Variants in TARBP1 observed in about 807,000 individuals in gnomAD.
TARBP1 encodes the protein tRNA guanosine 2 -O-methyltransferase TARBP1, also known as tRNA (guanosine(18)-2'-O)-methyltransferase TARBP1.
A neutral mutation model predicts 178.6 loss-of-function variants in TARBP1; 144 were observed. That is an observed-to-expected ratio of 0.81 (90% confidence interval 0.70 to 0.93). The LOEUF (loss-of-function observed/expected upper bound fraction) is 0.93. Ranked by LOEUF, TARBP1 falls within the 40% of genes least tolerant of loss-of-function variation. The probability of loss-of-function intolerance (pLI) is 0.00; values close to 1 mark genes in which losing one functional copy is unlikely to be tolerated. For synonymous variants in TARBP1, 787 were observed against 781.0 expected (o/e 1.01, Z -0.13); for missense variants, 2,067 against 2,011.7 (o/e 1.03, Z -0.53).
intron 12 of TARBP1, among the ~76,000 whole-genome samples, chr1:234,440,508 T>G (rs1363254361): frequency 6.6e-6 from 1 of 151,292 alleles, no homozygotes; most frequent in East Asian, 1.9e-4. Context: ...CACACACAAA[T>G]TATCACTATT....
At position 234,460,267 on chromosome 1, in the gene TARBP1, G is replaced by A. The variant is rs1423174855; in HGVS notation, c.1529C>T (p.Ala510Val). The A allele has an allele frequency of 6.2e-7, 1 of 1,612,888 alleles. No individual in the cohort carries two copies. Among genetic ancestry groups the A allele is most frequent in the East Asian group, 2.2e-5 (1 of 44,864 alleles). ...CATATACAGAGTAAATTACCTGAGA[G>A]CAAGAAGCCCATCTATACCCAGGGC... is the stretch of plus-strand genomic sequence containing the variant. ...HKALGIDGLL[A>V]LRDVIHCTMI... is the part of the protein sequence containing the mutation. Residue 510 changes from alanine (A) to valine (V), a missense_variant, in exon 7 of 30, where the codon GCT (alanine) becomes GTT (valine). By Grantham distance (64) the Ala-to-Val change is moderately conservative. Coordinates refer to ENST00000040877, the MANE Select transcript of TARBP1 (RefSeq NM_005646.4).
In TARBP1 at chr1:234,427,768, T is replaced by C; in HGVS notation, c.3061-2A>G. 1 of 1,403,044 alleles carries C rather than the reference T, an allele frequency of 7.1e-7. No homozygotes were observed. Among genetic ancestry groups the C allele is most frequent in the Non-Finnish European group, 9.3e-7 (1 of 1,073,982 alleles). The allele number at this position is 1,403,044 out of a possible 1,614,324, so 86.9% of individuals were successfully genotyped here. ...CATTTCAATTATCTTGTACATAATC[T>C]GGAATAAAATACAACCGTCATTTTA... is the stretch of plus-strand genomic sequence containing the variant. On this transcript the variant is annotated splice_acceptor_variant, in intron 17 of 29. Transcript: ENST00000040877. LOFTEE classifies it high-confidence loss of function.
intron 24 of TARBP1, among the ~76,000 whole-genome samples, chr1:234,404,025 G>C (rs1312414705): frequency 6.6e-6 from 1 of 152,002 alleles, no homozygotes; most frequent in South Asian, 2.1e-4. Flanking sequence ...TCTCCTACCT[G>C]GTACTGAGAT....
At position 234,398,373 on chromosome 1, in the gene TARBP1, A is replaced by AT. The variant is rs1290676803; in HGVS notation, c.4243+8dup. 1 of 1,557,046 alleles carries AT rather than the reference A, an allele frequency of 6.4e-7. No homozygotes were observed. ...AAGGGGAAAAAATAAAATGAAAATT[A>AT]TTTTTTACCTATGTCTTGCTGAGAC... On this transcript the variant is annotated intron_variant, in intron 26 of 29. Coordinates refer to ENST00000040877, the MANE Select transcript of TARBP1 (RefSeq NM_005646.4).
At chr1:234,473,374 T>TA (rs1299974881) in intron 1 of TARBP1, among the ~76,000 whole-genome samples, 1 of 152,220 alleles carries the variant, frequency 6.6e-6, no homozygotes, top group East Asian at 1.9e-4. Context: ...GCCACTTTCC[T>TA]ATGTCCTGAA....
chr1:234,478,414 C>G lies in TARBP1; in HGVS notation c.690G>C (p.Leu230=), dbSNP rs1482142120. ...TCTCGGCCAGGGCGCTCAGGACCAG[C>G]AGCTTCTCCTCTACGCGGCCGGACC... ...SLGSGRVEEK[L]LVLSALAEKL... Residue 230 remains leucine (L), a synonymous_variant, in exon 1 of 30, where the codon CTG becomes CTC. Transcript: ENST00000040877. 13 of 1,384,000 alleles carry G rather than the reference C, an allele frequency of 9.4e-6. No individual in the cohort carries two copies. The highest frequency in any genetic ancestry group is 1.2e-5 in the Non-Finnish European group (13 of 1,064,748). 85.7% of individuals were successfully genotyped at this position (1,384,000 alleles called of 1,614,324 possible).
At chr1:234,398,116 C>T (rs1660320322) in intron 26 of TARBP1, 2 of 234,250 alleles carry the variant, frequency 8.5e-6, no homozygotes, top group Non-Finnish European at 1.6e-5. Flanking sequence ...AAAAGGGAGG[C>T]CACTGGCCAT....
At chr1:234,467,077 G>C (rs1173006213) in intron 4 of TARBP1, among the ~76,000 whole-genome samples, 2 of 152,170 alleles carry the variant, frequency 1.3e-5, no homozygotes, top group Non-Finnish European at 2.9e-5. Flanking sequence ...TTGCTTAGAA[G>C]GCAATCCCTA....
intron 9 of TARBP1, among the ~76,000 whole-genome samples, chr1:234,455,632 G>A (rs948890874): frequency 3.9e-5 from 6 of 152,096 alleles, no homozygotes; most frequent in African/African-American, 1.4e-4. Flanking sequence ...GGGATGGGGT[G>A]GAGTACGATA....
At chr1:234,459,767 G>C (rs45541537) in intron 7 of TARBP1, among the ~76,000 whole-genome samples, 1 of 149,660 alleles carries the variant, frequency 6.7e-6, no homozygotes, top group Non-Finnish European at 1.5e-5. Context: ...AGCCGAGATC[G>C]CACCACTGCA....
At chr1:234,435,471 C>T (rs1483012212) in intron 13 of TARBP1, among the ~76,000 whole-genome samples, 5 of 152,002 alleles carry the variant, frequency 3.3e-5, no homozygotes, top group African/African-American at 1.2e-4. Flanking sequence ...GACAAAGCTG[C>T]TTATTTATTT....
At position 234,427,350 on chromosome 1, in the gene TARBP1, C is replaced by T. The variant is rs1663896685; in HGVS notation, c.3290G>A (p.Gly1097Glu). Residue 1097 changes from glycine (G) to glutamate (E), a missense_variant, in exon 19 of 30, where the codon GGA becomes GAA. By Grantham distance (98) the Gly-to-Glu change is moderately conservative. Coordinates refer to ENST00000040877, the MANE Select transcript of TARBP1 (RefSeq NM_005646.4). Reference sequence around the variant, plus strand: ...AACAATATTTGCCGCACAGTCATGTCCAAGGTTTTCTATGAAGGTCTGTAC... The same window carrying T: ...AACAATATTTGCCGCACAGTCATGTTCAAGGTTTTCTATGAAGGTCTGTAC... Reference protein sequence around the residue: ...QDVQTFIENLGHDCAANIVME... With the variant: ...QDVQTFIENLEHDCAANIVME... 3 of 1,612,286 alleles carry T rather than the reference C, an allele frequency of 1.9e-6. No individual in the cohort carries two copies. Among genetic ancestry groups the T allele is most frequent in the Non-Finnish European group, 2.5e-6 (3 of 1,179,290 alleles).
At position 234,437,243 on chromosome 1, in the gene TARBP1, T is replaced by C. The variant is rs375986709; in HGVS notation, c.2232+32A>G. The C allele has an allele frequency of 1.5e-5, 17 of 1,150,114 alleles. No homozygotes were observed. The Middle Eastern group carries it at 1.0e-3, about 69-fold the overall frequency. The allele number at this position is 1,150,114 out of a possible 1,614,324, so 71.2% of individuals were successfully genotyped here. On this transcript the variant is annotated intron_variant, in intron 13 of 29. Coordinates refer to ENST00000040877, the MANE Select transcript of TARBP1 (RefSeq NM_005646.4). The stretch of plus-strand genomic sequence containing the variant: ...ATATTGGTGAAAAGAATGAAAGAAA[T>C]GAAAAAGAAAGTTATTCCACTGAAT...
At chr1:234,396,595 C>G (rs182609733) in intron 26 of TARBP1, among the ~76,000 whole-genome samples, 1 of 151,972 alleles carries the variant, frequency 6.6e-6, no homozygotes, top group Non-Finnish European at 1.5e-5. Flanking sequence ...ATGTCTAACA[C>G]GCAGGAGACA....
At chr1:234,451,777 CTGGATCA>C (rs1666799972) in intron 9 of TARBP1, among the ~76,000 whole-genome samples, 1 of 144,160 alleles carries the variant, frequency 6.9e-6, no homozygotes, top group Non-Finnish European at 1.5e-5. Context: ...TGATGAATGA[CTGGATCA>C]TCGAAGTGGT....
Position 234,478,528 on chromosome 1 carries a change from GGCCACCAGC to G in TARBP1, c.567_575del (p.Leu190_Ala192del). ...GGACCAGCACTGGCAGCAGTCGCCC[GGCCACCAGC>G]GCCGCCGCGTCCTCGGCAGGCCCGG... On this transcript the variant is annotated inframe_deletion, in exon 1 of 30. Transcript: ENST00000040877. 1 of 1,371,934 alleles carries G rather than the reference GGCCACCAGC, an allele frequency of 7.3e-7. No homozygotes were observed. Among genetic ancestry groups the G allele is most frequent in the African/African-American group, 1.5e-5 (1 of 65,370 alleles). 85.0% of individuals were successfully genotyped at this position (1,371,934 alleles called of 1,614,324 possible).
Position 234,446,882 on chromosome 1 carries a change from C to T in TARBP1, c.2055G>A (p.Leu685=), listed in dbSNP as rs189658078. 6.2e-7 allele frequency: 1 copy of T among 1,613,988 alleles called. No homozygotes were observed. Among genetic ancestry groups the T allele is most frequent in the African/African-American group, 1.3e-5 (1 of 75,002 alleles). Residue 685 remains leucine, a synonymous_variant, in exon 12 of 30, where the codon TTG becomes TTA. Transcript: ENST00000040877. ...GCTGGAGGCATCTGTCAGTCTTCAG[C>T]AAGGGCATGTAGGCATTGGTACTAA... ...MKFSTNAYMP[L]LKTDRCLQLL... is the part of the protein sequence containing the mutation.
rs758927107 is a variant in TARBP1, at chr1:234,401,214, T to A, written c.4038A>T (p.Ala1346=). 6.2e-7 allele frequency: 1 copy of A among 1,613,654 alleles called. No homozygotes were observed. Among genetic ancestry groups the A allele is most frequent in the Non-Finnish European group, 8.5e-7 (1 of 1,179,782 alleles). The change falls in exon 25 of 30, where the codon GCA becomes GCT. Residue 1346 remains alanine, a synonymous_variant. Coordinates refer to ENST00000040877, the MANE Select transcript of TARBP1 (RefSeq NM_005646.4). ...WQRIQEHFFF[A]TFHPLKDYCL... is the part of the protein sequence containing the mutation. ...AATAATCCTTGAGTGGGTGAAATGT[T>A]GCAAAAAAGAAATGCTCCTGAATGC...
chr1:234,422,861 A>T (rs113408926), intron 20 of TARBP1, among the ~76,000 whole-genome samples: 13,901 of 152,240 alleles, frequency 0.091, 732 homozygotes, highest in Middle Eastern at 0.13. Context: ...AAATATATAC[A>T]CCTACTATAG....
Sources: gnomAD v4.1 joint callset for allele counts (sites outside exome capture counted in the v4.1 genomes callset) on GRCh38, gnomAD v4.1.1 for gene constraint, MANE v1.5 for transcripts, NCBI Gene and HGNC (gene_info 2026-07-23, HGNC 2026-07-21) for gene names.